The following NBAS variants were observed in gnomAD, a reference collection of about 807,000 sequenced individuals.
The protein encoded by NBAS is NAG/BC035112 fusion.
NBAS carries 219 observed loss-of-function variants against 302.5 expected under a neutral mutation model. The ratio of observed to expected loss-of-function variants is 0.72; its 90% CI spans 0.65 to 0.81. NBAS has a LOEUF of 0.81. Ranked by LOEUF, NBAS falls within the 30% of genes least tolerant of loss-of-function variation. The pLI, the probability that NBAS is intolerant of heterozygous loss-of-function variation, is 0.00. For synonymous variants in NBAS, 1,118 were observed against 1,021.6 expected (o/e 1.09, Z -1.80); for missense variants, 2,932 against 2,841.6 (o/e 1.03, Z -0.72).
intron 27 of NBAS, 124 bp from the exon 28 acceptor site, chr2:15,394,473 AAT>A: frequency 1.1e-6 from 1 of 927,152 alleles, no homozygotes; most frequent in Non-Finnish European, 1.6e-6. Context: ...AGTGTAATCC[AAT>A]TTTACATATA....
the NBAS span, among the ~76,000 whole-genome samples, chr2:15,158,301 G>A: frequency 6.6e-6 from 1 of 152,184 alleles, no homozygotes; most frequent in African/African-American, 2.4e-5. Context: ...TAATGACAAG[G>A]CCACGGGGTT....
Position 15,207,049 on chromosome 2 carries a change from T to A in NBAS, c.6432+11724A>T, listed in dbSNP as rs575020078. On this transcript the variant is annotated intron_variant, in intron 48 of 51. Coordinates refer to ENST00000281513, the MANE Select transcript of NBAS (RefSeq NM_015909.4). ...GTAGATTCACCTACAGCTTGCACTG[T>A]GCACCTGAAAAAGCCATAGGCAATC... Among the ~76,000 whole-genome samples the A allele has an allele frequency of 7.2e-5, 11 of 152,228 alleles. No individual in the cohort carries two copies. In the East Asian group the frequency reaches 2.1e-3, roughly 29 times the overall value.
intron 30 of NBAS, among the ~76,000 whole-genome samples, chr2:15,376,640 C>T (rs970379491): frequency 2.0e-5 from 3 of 151,930 alleles, no homozygotes; most frequent in Admixed American, 2.0e-4. Context: ...TACTTTTAAG[C>T]GTTGCTAGGT....
chr2:15,085,644 C>T, the NBAS span, among the ~76,000 whole-genome samples: 1 of 152,158 alleles, frequency 6.6e-6, no homozygotes, highest in African/African-American at 2.4e-5. Context: ...GCTGCAGCCA[C>T]CCAAGTCAGG....
chr2:15,328,261 G>A lies in NBAS; in HGVS notation c.4399C>T (p.Leu1467=). 6.2e-7 allele frequency: 1 copy of A among 1,613,942 alleles called. No homozygotes were observed. The highest frequency in any genetic ancestry group is 8.5e-7 in the Non-Finnish European group (1 of 1,179,930). ...YQIGTTANED[L]EKQGCHPFYE... is the part of the protein sequence containing the mutation. ...AAAGGATGACACCCTTGTTTCTCTA[G>A]ATCTTCATTGGCTGTAGTTCCGATT... The change falls in exon 37 of 52, where the codon CTA becomes TTA. Residue 1467 remains leucine (L), a synonymous_variant. Transcript: ENST00000281513.
At chr2:14,991,178 AG>A in the NBAS span, among the ~76,000 whole-genome samples, 1 of 152,132 alleles carries the variant, frequency 6.6e-6, no homozygotes, top group Non-Finnish European at 1.5e-5. Context: ...CCAAAAATCA[AG>A]TGATACCCAG....
At chr2:14,786,502 A>T in the NBAS span, among the ~76,000 whole-genome samples, 1 of 152,002 alleles carries the variant, frequency 6.6e-6, no homozygotes, top group African/African-American at 2.4e-5. Flanking sequence ...AATGTGTCCC[A>T]GAGATTCTGG....
intron 46 of NBAS, among the ~76,000 whole-genome samples, chr2:15,233,552 GA>G (rs1472003852): frequency 6.6e-6 from 1 of 152,084 alleles, no homozygotes; most frequent in Non-Finnish European, 1.5e-5. Context: ...CAAAAGGTAT[GA>G]AATATGGCCA....
At chr2:15,538,134 T>C (rs1663610984) in intron 7 of NBAS, among the ~76,000 whole-genome samples, 2 of 152,240 alleles carry the variant, frequency 1.3e-5, no homozygotes, top group African/African-American at 2.4e-5. Context: ...AATACAGTAT[T>C]AAATAAATTT....
chr2:15,071,556 G>A, the NBAS span, among the ~76,000 whole-genome samples: 2 of 151,474 alleles, frequency 1.3e-5, no homozygotes, highest in East Asian at 1.9e-4. Flanking sequence ...CTCGGGAGGC[G>A]GAGGTTGCAG....
At chr2:15,439,071 G>A (rs557318093) in intron 21 of NBAS, among the ~76,000 whole-genome samples, 262 of 152,120 alleles carry the variant, frequency 1.7e-3, no homozygotes, top group African/African-American at 5.6e-3. Flanking sequence ...CGAGGCAGGC[G>A]GACCACGAGG....
chr2:15,294,562 C>A (rs372982831), intron 40 of NBAS, among the ~76,000 whole-genome samples: 1 of 152,180 alleles, frequency 6.6e-6, no homozygotes, highest in African/African-American at 2.4e-5. Context: ...ACCTCCAGCA[C>A]GTGCACAGCC....
intron 48 of NBAS, among the ~76,000 whole-genome samples, chr2:15,208,360 C>A (rs1666245142): frequency 6.6e-6 from 1 of 152,152 alleles, no homozygotes; most frequent in South Asian, 2.1e-4. Flanking sequence ...CACTGGGTCC[C>A]TCCCACAACA....
intron 38 of NBAS, among the ~76,000 whole-genome samples, chr2:15,319,326 C>A (rs1671675756): frequency 2.0e-5 from 3 of 152,016 alleles, no homozygotes; most frequent in Admixed American, 2.0e-4. Context: ...CCAAACATCA[C>A]AATTAAAAGA....
chr2:14,948,361 T>C, the NBAS span, among the ~76,000 whole-genome samples: 2 of 152,064 alleles, frequency 1.3e-5, no homozygotes, highest in Non-Finnish European at 2.9e-5. Context: ...AAAAGACATT[T>C]TGTTATGGCT....
At chr2:15,551,608 G>A in intron 5 of NBAS, 72 bp from the exon 6 acceptor site, 4 of 1,164,716 alleles carry the variant, frequency 3.4e-6, no homozygotes, top group Non-Finnish European at 5.0e-6. Flanking sequence ...ACCAGATACT[G>A]TGGACTAGAC....
chr2:15,322,249 G>C (rs971350715), intron 38 of NBAS, among the ~76,000 whole-genome samples: 1 of 143,816 alleles, frequency 7.0e-6, no homozygotes, highest in African/African-American at 2.6e-5. Flanking sequence ...GGGGTGGGGG[G>C]CTGGGGGAGG....
At chr2:15,439,313 A>T (rs1040969194) in intron 21 of NBAS, among the ~76,000 whole-genome samples, 6 of 151,766 alleles carry the variant, frequency 4.0e-5, no homozygotes, top group East Asian at 3.9e-4. Context: ...AATAAAAAAA[A>T]AAAAAAAAAA....
chr2:15,275,732 T>C lies in NBAS; in HGVS notation c.5476A>G (p.Ile1826Val), dbSNP rs376865596. ...PVLSSQNILSISKLVPKIPEK... is the reference protein window; with the variant it reads ...PVLSSQNILSVSKLVPKIPEK... Reference sequence around the variant, plus strand: ...GGGATTTTGGGAACAAGTTTGGAAATAGACAAGATATTTTGACTTGAAAGA... The same window carrying C: ...GGGATTTTGGGAACAAGTTTGGAAACAGACAAGATATTTTGACTTGAAAGA... Residue 1826 changes from isoleucine to valine, a missense_variant, in exon 44 of 52, where the codon ATT becomes GTT. Coordinates refer to ENST00000281513, the MANE Select transcript of NBAS (RefSeq NM_015909.4). 1.5e-5 allele frequency: 25 copies of C among 1,614,032 alleles called. No individual in the cohort carries two copies. The highest frequency in any genetic ancestry group is 2.2e-5 in the East Asian group (1 of 44,896).
Sources: gnomAD v4.1 joint callset for allele counts (sites outside exome capture counted in the v4.1 genomes callset) on GRCh38, gnomAD v4.1.1 for gene constraint, MANE v1.5 for transcripts, NCBI Gene and HGNC (gene_info 2026-07-23, HGNC 2026-07-21) for gene names.